HERC1: variants seen among roughly 807,000 people sequenced by gnomAD.
The protein encoded by HERC1 is probable E3 ubiquitin-protein ligase HERC1.
Under a neutral mutation model 554.3 loss-of-function variants are expected in HERC1, and 160 were observed. The observed-to-expected ratio is 0.29, with a 90% confidence interval of 0.25 to 0.33. HERC1 has a LOEUF of 0.33. Ranked by LOEUF, HERC1 falls within the 10% of genes least tolerant of loss-of-function variation. HERC1 has a pLI of 1.00. For missense variants in HERC1, 4,919 were observed against 5,918.5 expected (o/e 0.83, Z 5.54); for synonymous variants, 2,175 against 2,131.7 (o/e 1.02, Z -0.56).
At chr15:63,744,164 G>GTCTGTC (rs2074963298) in intron 12 of HERC1, among the ~76,000 whole-genome samples, 1 of 46,222 alleles carries the variant, frequency 2.2e-5, no homozygotes, top group Admixed American at 2.4e-4. Flanking sequence ...GTGTGTGTGT[G>GTCTGTC]TCTCTCTCTC....
intron 51 of HERC1, among the ~76,000 whole-genome samples, chr15:63,653,637 A>G (rs12324009): frequency 0.17 from 26,558 of 152,166 alleles, 2,544 homozygotes; most frequent in Middle Eastern, 0.22. Context: ...TCTGCATAGA[A>G]CATATATATA....
intron 34 of HERC1, among the ~76,000 whole-genome samples, chr15:63,685,825 G>A (rs1291002085): frequency 6.6e-6 from 1 of 152,234 alleles, no homozygotes; most frequent in East Asian, 1.9e-4. Flanking sequence ...GGGGGAACTT[G>A]ACTGGTAAAC....
chr15:63,764,282 T>C (rs1436512167), intron 2 of HERC1, 91 bp from the exon 3 acceptor site: 1 of 799,996 alleles, frequency 1.3e-6, no homozygotes, highest in East Asian at 2.7e-5. Context: ...CAACACCTAT[T>C]TGAAGACCTG....
intron 57 of HERC1, among the ~76,000 whole-genome samples, chr15:63,644,624 A>G (rs2069236998): frequency 6.6e-6 from 1 of 152,186 alleles, no homozygotes; most frequent in African/African-American, 2.4e-5. Context: ...TTTAATATAA[A>G]TAAATCATTC....
At position 63,725,601 on chromosome 15, in the gene HERC1, A is replaced by G. The variant is rs146756256; in HGVS notation, c.3347-88T>C. The G allele has an allele frequency of 1.8e-3, 1,681 of 935,190 alleles. 22 individuals are homozygous for G. In the African/African-American group the frequency reaches 0.025, roughly 14 times the overall value. The allele number at this position is 935,190 out of a possible 1,614,324, so 57.9% of individuals were successfully genotyped here. On this transcript the variant is annotated intron_variant, in intron 17 of 77. Coordinates refer to ENST00000443617, the MANE Select transcript of HERC1 (RefSeq NM_003922.4). ...TCATAGTCTCCTACCGTACTGCAAT[A>G]AGATACTGATGCAAAATATTTTATG...
chr15:63,780,128 T>C (rs2076246138), intron 1 of HERC1: 1 of 152,076 alleles, frequency 6.6e-6, no homozygotes, highest in African/African-American at 2.4e-5. Flanking sequence ...AAAATAGACA[T>C]TTTTATGAAA....
chr15:63,623,019 A>G, intron 73 of HERC1, 128 bp from the exon 74 acceptor site: 1 of 602,784 alleles, frequency 1.7e-6, no homozygotes, highest in South Asian at 2.1e-5. Flanking sequence ...ACAACCAACA[A>G]TTTCATACTT....
At chr15:63,678,916 CTAA>C (rs897402603) in intron 36 of HERC1, among the ~76,000 whole-genome samples, 3 of 152,172 alleles carry the variant, frequency 2.0e-5, no homozygotes, top group African/African-American at 7.2e-5. Flanking sequence ...AAACCTGACA[CTAA>C]TAATAGCATC....
intron 26 of HERC1, among the ~76,000 whole-genome samples, chr15:63,697,106 A>C (rs993969010): frequency 2.6e-5 from 4 of 152,184 alleles, no homozygotes; most frequent in Admixed American, 1.3e-4. Context: ...CAATACTATC[A>C]ACTAAACCTA....
In HERC1 at chr15:63,756,900, A is replaced by C. The variant is rs1470039238; in HGVS notation, c.1222-152T>G. The stretch of plus-strand genomic sequence containing the variant: ...ATTAAGGAATATACAGAAATCTAAG[A>C]GAACACGAATGGCCTTTTCATGCTC... On this transcript the variant is annotated intron_variant, in intron 4 of 77. Coordinates refer to ENST00000443617, the MANE Select transcript of HERC1 (RefSeq NM_003922.4). The surrounding 1 kb of genome is among the most constrained non-coding windows in gnomAD (Gnocchi z 5.0). 6.6e-6 allele frequency among the ~76,000 whole-genome samples: 1 copy of C among 152,232 alleles called. No individual in the cohort carries two copies. Among genetic ancestry groups the C allele is most frequent in the African/African-American group, 2.4e-5 (1 of 41,464 alleles).
Position 63,718,462 on chromosome 15 carries a change from G to T in HERC1, c.3978+112C>A, listed in dbSNP as rs1218359719. 2.2e-6 allele frequency: 2 copies of T among 922,420 alleles called. No individual in the cohort carries two copies. Among genetic ancestry groups the T allele is most frequent in the African/African-American group, 1.7e-5 (1 of 58,970 alleles). The allele number at this position is 922,420 out of a possible 1,614,324, so 57.1% of individuals were successfully genotyped here. The stretch of plus-strand genomic sequence containing the variant: ...TGCTAGGAAAAGAACTACTCAACAT[G>T]TATTGAACATATGCAATAACCAAGG... On this transcript the variant is annotated intron_variant, in intron 21 of 77. Coordinates refer to ENST00000443617, the MANE Select transcript of HERC1 (RefSeq NM_003922.4). The surrounding 1 kb of genome is among the most constrained non-coding windows in gnomAD (Gnocchi z 4.2).
chr15:63,758,562 A>T lies in HERC1; in HGVS notation c.1027-193T>A, dbSNP rs1302443561. Among the ~76,000 whole-genome samples, 1 of 152,230 alleles carries T rather than the reference A, an allele frequency of 6.6e-6. No homozygotes were observed. Among genetic ancestry groups the T allele is most frequent in the African/African-American group, 2.4e-5 (1 of 41,460 alleles). ...ACTAAAAGACGCTAATGAAGTGGCA[A>T]AAGTGGGAAACGGGAGACACACAAT... On this transcript the variant is annotated intron_variant, in intron 3 of 77. Transcript: ENST00000443617. This position sits in a 1 kb window ranked among gnomAD's most constrained non-coding sequence, Gnocchi z 4.0.
intron 2 of HERC1, among the ~76,000 whole-genome samples, chr15:63,773,598 T>C (rs62020782): frequency 0.81 from 123,150 of 151,508 alleles, 51,889 homozygotes; most frequent in Non-Finnish European, 0.87. Context: ...CCCAGGAGTG[T>C]TGTGGCATGA....
chr15:63,771,393 A>G (rs970091435), intron 2 of HERC1, among the ~76,000 whole-genome samples: 1 of 151,538 alleles, frequency 6.6e-6, no homozygotes, highest in Non-Finnish European at 1.5e-5. Context: ...TCAAACACAT[A>G]TTCTTCCCCA....
At chr15:63,802,074 C>T (rs1180207789) in intron 1 of HERC1, among the ~76,000 whole-genome samples, 2 of 152,178 alleles carry the variant, frequency 1.3e-5, no homozygotes, top group East Asian at 3.9e-4. Flanking sequence ...TTCTCAAGGG[C>T]ATTTCTGAAA....
At chr15:63,647,983 C>A in intron 55 of HERC1, 86 bp downstream of exon 55, 1 of 1,061,096 alleles carries the variant, frequency 9.4e-7, no homozygotes, top group Non-Finnish European at 1.4e-6. Context: ...ATCTTAAAAT[C>A]TCTGACTTCT....
In HERC1 at chr15:63,645,384, A is replaced by C. The variant is rs141163148; in HGVS notation, c.11078+99T>G. On this transcript the variant is annotated intron_variant, in intron 56 of 77. Transcript: ENST00000443617. ...ACACATTATAAGAATAGCAACTGGC[A>C]ATAAACTCTTTAAGACTACTGAGAA... 9.1e-4 allele frequency: 769 copies of C among 849,396 alleles called. 5 individuals carry two copies. In the East Asian group the frequency reaches 0.015, roughly 17 times the overall value. 52.6% of individuals were successfully genotyped at this position (849,396 alleles called of 1,614,324 possible). A position where few individuals can be genotyped will look rare whatever the true frequency, so the allele number is the denominator to read the frequency against.
chr15:63,831,365 C>G (rs941828823), intron 1 of HERC1, among the ~76,000 whole-genome samples: 1 of 152,166 alleles, frequency 6.6e-6, no homozygotes, highest in African/African-American at 2.4e-5. Context: ...CCTCGGCCTC[C>G]CCAAGGGCTG....
chr15:63,615,851 T>A lies in HERC1; in HGVS notation c.14011A>T (p.Asn4671Tyr), dbSNP rs747759485. ...GKMVPIIPGG[N>Y]SIPLTFSNRK... ...TTGGAAAATGTGAGTGGGATACTAT[T>A]TCCACCAGGGATTATAGGAACCATT... Residue 4671 changes from asparagine to tyrosine, a missense_variant, in exon 76 of 78, where the codon AAT becomes TAT. Physicochemically the swap from Asn to Tyr is moderately radical, Grantham distance 143 (BLOSUM62 -2). Around this residue, in one of 11 missense-constraint regions of HERC1, gnomAD observed 284 missense variants for 294.1 expected, o/e 0.97. Transcript: ENST00000443617. The A allele has an allele frequency of 8.7e-6, 14 of 1,607,948 alleles. No individual in the cohort carries two copies. Among genetic ancestry groups the A allele is most frequent in the Non-Finnish European group, 1.2e-5 (14 of 1,177,658 alleles).
Sources: allele counts gnomAD v4.1 joint callset (sites outside exome capture counted in the v4.1 genomes callset), GRCh38; gene constraint gnomAD v4.1.1; regional missense constraint gnomAD v4.1.1; non-coding constraint Gnocchi (gnomAD v3.1); transcripts MANE v1.5; gene names NCBI Gene and HGNC (gene_info 2026-07-23, HGNC 2026-07-21).